The following SPTA1 variants were observed in gnomAD, a reference collection of about 807,000 sequenced individuals.
SPTA1 encodes the protein spectrin alpha chain, erythrocytic 1.
In SPTA1, 177 loss-of-function variants were observed where a neutral mutation model predicts 324.7. The ratio of observed to expected loss-of-function variants is 0.55; its 90% CI spans 0.48 to 0.62. The LOEUF (loss-of-function observed/expected upper bound fraction) is 0.62. Ranked by LOEUF, SPTA1 falls within the 20% of genes least tolerant of loss-of-function variation. The pLI, the probability that SPTA1 is intolerant of heterozygous loss-of-function variation, is 0.00. For synonymous variants in SPTA1, 1,195 were observed against 1,041.3 expected (o/e 1.15, Z -2.84); for missense variants, 3,162 against 2,883.6 (o/e 1.10, Z -2.21).
chr1:158,644,492 G>T lies in SPTA1; in HGVS notation c.4195-96C>A, dbSNP rs1651850236. 24 of 1,442,102 alleles carry T rather than the reference G, an allele frequency of 1.7e-5. 1 individual carries two copies. In the South Asian group the frequency reaches 2.7e-4, roughly 16 times the overall value. The allele number at this position is 1,442,102 out of a possible 1,614,324, so 89.3% of individuals were successfully genotyped here. ...TCAGGATCATGACACAAAGGGTTTT[G>T]CAAGGAGTACTTACCATCTTCCAAG... is the stretch of plus-strand genomic sequence containing the variant. On this transcript the variant is annotated intron_variant, in intron 29 of 51. Transcript: ENST00000643759.
chr1:158,652,650 G>A lies in SPTA1; in HGVS notation c.3192C>T (p.Tyr1064=). Residue 1064 remains tyrosine, a synonymous_variant, in exon 23 of 52, where the codon TAC becomes TAT. Coordinates refer to ENST00000643759, the MANE Select transcript of SPTA1 (RefSeq NM_003126.4). ...CTTCTGCCCGATCCAAGAGGGAGCGGTATCTGGATGGAGAATTGGGAAAAG... is the reference window on the plus strand; with the variant it reads ...CTTCTGCCCGATCCAAGAGGGAGCGATATCTGGATGGAGAATTGGGAAAAG... ...TQRQEQIENQ[Y]RSLLDRAEER... is the part of the protein sequence containing the mutation. 2 of 1,614,102 alleles carry A rather than the reference G, an allele frequency of 1.2e-6. No individual in the cohort carries two copies. Among genetic ancestry groups the A allele is most frequent in the South Asian group, 1.1e-5 (1 of 91,086 alleles).
Position 158,611,464 on chromosome 1 carries a change from C to A in SPTA1, c.7135-75G>T, listed in dbSNP as rs73016276. Reference sequence around the variant, plus strand: ...TGGTTCCTTGGGGCTTCCCATATTACGCCATAAATGCAGGAGATGGAGAGT... The same window carrying A: ...TGGTTCCTTGGGGCTTCCCATATTAAGCCATAAATGCAGGAGATGGAGAGT... On this transcript the variant is annotated intron_variant, in intron 51 of 51. Transcript: ENST00000643759. The A allele has an allele frequency of 2.5e-6, 4 of 1,569,694 alleles. No individual in the cohort carries two copies. The African/African-American group carries it at 4.1e-5, about 16-fold the overall frequency.
chr1:158,671,520 C>A (rs746743074), intron 11 of SPTA1, 67 bp from the exon 12 acceptor site: 1 of 1,296,388 alleles, frequency 7.7e-7, no homozygotes. Flanking sequence ...CTTGGCATAT[C>A]TCTGAGACAA....
intron 34 of SPTA1, 25 bp downstream of exon 34, chr1:158,639,845 C>T (rs745451798): frequency 1.2e-6 from 2 of 1,613,894 alleles, no homozygotes; most frequent in Non-Finnish European, 1.7e-6. Flanking sequence ...ACTCTTGTGT[C>T]TCTACTGTTT....
intron 25 of SPTA1, 136 bp from the exon 26 acceptor site, chr1:158,648,789 ATT>A (rs1652198324): frequency 1.1e-6 from 1 of 870,744 alleles, no homozygotes; most frequent in African/African-American, 2.0e-5. Flanking sequence ...AATTATCATC[ATT>A]GTTTTTTATG....
In SPTA1 at chr1:158,671,376, C is replaced by T; in HGVS notation, c.1566G>A (p.Glu522=). Residue 522 remains glutamate (E), a synonymous_variant, in exon 12 of 52, where the codon GAG becomes GAA. Coordinates refer to ENST00000643759, the MANE Select transcript of SPTA1 (RefSeq NM_003126.4). ...TCTCTTCCTGGGCAGTAAAGGCTTC[C>T]TCAAAGTCTTCATGCTTCTGAAGAA... ...EALLQKHEDF[E]EAFTAQEEKI... 1 of 1,613,574 alleles carries T rather than the reference C, an allele frequency of 6.2e-7. No individual in the cohort carries two copies. The highest frequency in any genetic ancestry group is 8.5e-7 in the Non-Finnish European group (1 of 1,179,886).
Position 158,610,873 on chromosome 1 carries a change from A to G in SPTA1, c.*391T>C, listed in dbSNP as rs1649208023. The G allele has an allele frequency of 5.0e-6, 1 of 200,754 alleles. No homozygotes were observed. Among genetic ancestry groups the G allele is most frequent in the Non-Finnish European group, 1.0e-5 (1 of 97,066 alleles). 12.4% of individuals were successfully genotyped at this position (200,754 alleles called of 1,614,324 possible). ...TTATATGAGTACAGTTCCCAGAAAT[A>G]TAGAAGCTCAACATTTTACTTAACT... On this transcript the variant is annotated 3_prime_UTR_variant, in exon 52 of 52. Transcript: ENST00000643759.
intron 30 of SPTA1, among the ~76,000 whole-genome samples, chr1:158,643,980 T>C (rs1404604491): frequency 6.6e-6 from 1 of 151,734 alleles, no homozygotes; most frequent in Non-Finnish European, 1.5e-5. Context: ...CTGCTAAAAG[T>C]ACAAAAATTA....
chr1:158,671,974 T>C, intron 11 of SPTA1, 85 bp downstream of exon 11: 1 of 1,540,778 alleles, frequency 6.5e-7, no homozygotes, highest in East Asian at 2.2e-5. Context: ...ACAGGAGTGG[T>C]TGTGAGGGAA....
chr1:158,657,527 C>T lies in SPTA1; in HGVS notation c.2755G>A (p.Glu919Lys), dbSNP rs2101877598. ...TAGTTAGTATTATCTACAATAGGTT[C>T]CTTCTCTCTGATCCATGTTTCTGCT... Reference protein sequence around the residue: ...HEAETWIREKEPIVDNTNYGA... With the variant: ...HEAETWIREKKPIVDNTNYGA... Residue 919 changes from glutamate (E) to lysine (K), a missense_variant, in exon 19 of 52, where the codon GAA becomes AAA. Coordinates refer to ENST00000643759, the MANE Select transcript of SPTA1 (RefSeq NM_003126.4). 1 of 1,512,276 alleles carries T rather than the reference C, an allele frequency of 6.6e-7. No homozygotes were observed. The highest frequency in any genetic ancestry group is 9.0e-7 in the Non-Finnish European group (1 of 1,113,952). The allele number at this position is 1,512,276 out of a possible 1,614,324, so 93.7% of individuals were successfully genotyped here. A position where few individuals can be genotyped will look rare whatever the true frequency, so the allele number is the denominator to read the frequency against.
rs747806552 is a variant in SPTA1 at position 158,661,333 on chromosome 1, T to C, written c.2541A>G (p.Pro847=). 1.2e-6 allele frequency: 2 copies of C among 1,613,982 alleles called. No homozygotes were observed. Among genetic ancestry groups the C allele is most frequent in the South Asian group, 1.1e-5 (1 of 91,086 alleles). The stretch of plus-strand genomic sequence containing the variant: ...CCCTTTCTGTTATCTCTTGAATGCG[T>C]GGTTCATGGCTGGCAATGTTCTCCA... ...VILENIASHE[P]RIQEITERGN... The change falls in exon 18 of 52, where the codon CCA becomes CCG. Residue 847 remains proline (P), a synonymous_variant. Coordinates refer to ENST00000643759, the MANE Select transcript of SPTA1 (RefSeq NM_003126.4).
chr1:158,640,569 A>G (rs1651479288), intron 33 of SPTA1, among the ~76,000 whole-genome samples: 1 of 152,230 alleles, frequency 6.6e-6, no homozygotes, highest in South Asian at 2.1e-4. Flanking sequence ...CCCATTCACA[A>G]TTGCTTCAAA....
At chr1:158,666,206 T>G in intron 16 of SPTA1, 110 bp downstream of exon 16, 1 of 1,070,644 alleles carries the variant, frequency 9.3e-7, no homozygotes, top group East Asian at 2.6e-5. Context: ...CATTGCTTAT[T>G]ATTACTTATT....
chr1:158,667,640 C>A (rs1653706205), intron 15 of SPTA1, among the ~76,000 whole-genome samples: 1 of 151,950 alleles, frequency 6.6e-6, no homozygotes. Flanking sequence ...TTTTAAAAAC[C>A]TTACACCCTT....
At position 158,678,347 on chromosome 1, in the gene SPTA1, C is replaced by T. The variant is rs965132309; in HGVS notation, c.812+54G>A. The stretch of plus-strand genomic sequence containing the variant: ...GTAGAAAGAGCCTAATACAAAGACA[C>T]GGTTTTTATAAAGCACTTCAAAGTT... On this transcript the variant is annotated intron_variant, in intron 6 of 51. Coordinates refer to ENST00000643759, the MANE Select transcript of SPTA1 (RefSeq NM_003126.4). The T allele has an allele frequency of 2.5e-5, 40 of 1,609,570 alleles. No individual in the cohort carries two copies. In the African/African-American group the frequency reaches 3.2e-4, roughly 13 times the overall value.
At chr1:158,627,820 A>G in intron 39 of SPTA1, 97 bp from the exon 40 acceptor site, 5 of 1,200,106 alleles carry the variant, frequency 4.2e-6, no homozygotes, top group Non-Finnish European at 4.9e-6. Context: ...CCTAGGGTTG[A>G]TTCAATGAAA....
chr1:158,636,600 G>T, intron 37 of SPTA1, 41 bp downstream of exon 37: 1 of 1,610,294 alleles, frequency 6.2e-7, no homozygotes, highest in Non-Finnish European at 8.5e-7. Flanking sequence ...GGTTGCTATA[G>T]GATGATTTCT....
At chr1:158,621,733 C>G (rs6659853) in intron 43 of SPTA1, among the ~76,000 whole-genome samples, 40,816 of 152,050 alleles carry the variant, frequency 0.27, 5,645 homozygotes, top group Middle Eastern at 0.33. Flanking sequence ...TGGAAATTAA[C>G]TAAGACTCTG....
chr1:158,631,759 A>ACCTGT (rs1650691266), intron 39 of SPTA1, among the ~76,000 whole-genome samples: 1 of 152,114 alleles, frequency 6.6e-6, no homozygotes, highest in Non-Finnish European at 1.5e-5. Context: ...ATCACTTCAC[A>ACCTGT]CCTGTCAGGA....
Sources: allele counts gnomAD v4.1 joint callset (sites outside exome capture counted in the v4.1 genomes callset), GRCh38; gene constraint gnomAD v4.1.1; transcripts MANE v1.5; gene names NCBI Gene and HGNC (gene_info 2026-07-23, HGNC 2026-07-21).